ARHGAP22: variants seen among roughly 807,000 people sequenced by gnomAD.
The protein encoded by ARHGAP22 is Rho GTPase activating protein 22, also known as rho GTPase-activating protein 22.
ARHGAP22 carries 48 observed loss-of-function variants against 59.1 expected under a neutral mutation model. The observed-to-expected ratio is 0.81, with a 90% CI of 0.64 to 1.03. ARHGAP22 has a LOEUF of 1.03. Ranked by LOEUF, ARHGAP22 falls within the 50% of genes least tolerant of loss-of-function variation. ARHGAP22 has a pLI of 0.00. For missense variants in ARHGAP22, 1,015 were observed against 958.7 expected (o/e 1.06, Z -0.78); for synonymous variants, 445 against 416.4 (o/e 1.07, Z -0.84).
intron 3 of ARHGAP22, among the ~76,000 whole-genome samples, chr10:48,550,054 G>T (rs2056779990): frequency 6.6e-6 from 1 of 152,222 alleles, no homozygotes; most frequent in Non-Finnish European, 1.5e-5. Flanking sequence ...GAACTAAGGT[G>T]TGAAGGAGAC....
chr10:48,448,503 T>A (rs2045583413), intron 9 of ARHGAP22, among the ~76,000 whole-genome samples: 1 of 152,182 alleles, frequency 6.6e-6, no homozygotes, highest in Admixed American at 6.5e-5. Context: ...AGGTTCTCTT[T>A]TGGGAATGCA....
At chr10:48,441,570 G>A (rs959161848), downstream of ARHGAP22, among the ~76,000 whole-genome samples, 1 of 151,288 alleles carries the variant, frequency 6.6e-6, no homozygotes, top group Non-Finnish European at 1.5e-5. Flanking sequence ...TCCTGCCTCA[G>A]CCTCCCAAGT....
chr10:48,644,538 AC>A (rs1284981772), intron 1 of ARHGAP22, among the ~76,000 whole-genome samples: 1 of 152,212 alleles, frequency 6.6e-6, no homozygotes, highest in Non-Finnish European at 1.5e-5. Flanking sequence ...AGGCCATAAA[AC>A]AAGTCCTGAT....
chr10:48,535,214 A>G (rs2055228521), intron 3 of ARHGAP22, among the ~76,000 whole-genome samples: 1 of 152,218 alleles, frequency 6.6e-6, no homozygotes, highest in Admixed American at 6.5e-5. Flanking sequence ...ACAGATAAGG[A>G]AACCGGGCAC....
At chr10:48,464,595 C>G (rs2047472249) in intron 4 of ARHGAP22, among the ~76,000 whole-genome samples, 1 of 152,198 alleles carries the variant, frequency 6.6e-6, no homozygotes, top group Non-Finnish European at 1.5e-5. Context: ...TGGCAGCACC[C>G]TGCCCTGGCA....
Position 48,652,254 on chromosome 10 carries a change from G to A in ARHGAP22, c.32C>T (p.Thr11Met), listed in dbSNP as rs144047908. ...CTTACTGAAATATCTGGCTGCAAACGTCCTCCTTTTGCTGGAAGCTGTCGG... is the reference window on the plus strand; with the variant it reads ...CTTACTGAAATATCTGGCTGCAAACATCCTCCTTTTGCTGGAAGCTGTCGG... The change falls in exon 1 of 10, where the codon ACG becomes ATG. Residue 11 changes from threonine (T) to methionine (M), a missense_variant. Physicochemically the swap from Thr to Met is moderately conservative, Grantham distance 81. Coordinates refer to the ARHGAP22 transcript ENST00000435790. The A allele has an allele frequency of 7.0e-4, 1,071 of 1,535,568 alleles. 4 individuals are homozygous for A. In the African/African-American group the frequency reaches 0.011, roughly 16 times the overall value.
chr10:48,600,525 A>G (rs974046230), intron 1 of ARHGAP22, among the ~76,000 whole-genome samples: 3 of 150,620 alleles, frequency 2.0e-5, no homozygotes, highest in Non-Finnish European at 4.4e-5. Flanking sequence ...TTTAGAAATA[A>G]ACAATGAAAA....
At chr10:48,471,928 G>T (rs1247393507) in intron 4 of ARHGAP22, among the ~76,000 whole-genome samples, 1 of 152,188 alleles carries the variant, frequency 6.6e-6, no homozygotes, top group Non-Finnish European at 1.5e-5. Flanking sequence ...CAGCAGCTGG[G>T]CCAGGTGCGG....
At chr10:48,582,601 T>C (rs1334838884) in intron 2 of ARHGAP22, 1 of 304,266 alleles carries the variant, frequency 3.3e-6, no homozygotes, top group Non-Finnish European at 6.2e-6. Context: ...TGGTGACCCA[T>C]TTTCCTGCAA....
At chr10:48,574,968 G>C (rs964693088) in intron 2 of ARHGAP22, 1 of 152,200 alleles carries the variant, frequency 6.6e-6, no homozygotes, top group African/African-American at 2.4e-5. Context: ...TGGAGGTGGG[G>C]CCTGGCGGAA....
chr10:48,609,857 A>G (rs1312110305), upstream of ARHGAP22, among the ~76,000 whole-genome samples: 3 of 152,230 alleles, frequency 2.0e-5, no homozygotes, highest in African/African-American at 7.2e-5. Flanking sequence ...TCATCTATAT[A>G]CGAAACCTAT....
intron 2 of ARHGAP22, among the ~76,000 whole-genome samples, chr10:48,557,872 G>T (rs1281530088): frequency 6.6e-6 from 1 of 152,190 alleles, no homozygotes; most frequent in Non-Finnish European, 1.5e-5. Flanking sequence ...GAGGGAGTCT[G>T]CTCTCTGGTC....
intron 3 of ARHGAP22, among the ~76,000 whole-genome samples, chr10:48,486,278 T>C (rs1409599662): frequency 6.6e-6 from 1 of 152,012 alleles, no homozygotes; most frequent in African/African-American, 2.4e-5. Context: ...TACCTTTTAC[T>C]GGTATACTTT....
intron 1 of ARHGAP22, among the ~76,000 whole-genome samples, chr10:48,612,071 T>C (rs1037538128): frequency 6.6e-6 from 1 of 151,738 alleles, no homozygotes; most frequent in Admixed American, 6.6e-5. Flanking sequence ...TCCGCCTGCC[T>C]TGGCCTCCCA....
intron 3 of ARHGAP22, among the ~76,000 whole-genome samples, chr10:48,513,954 A>C (rs1015484788): frequency 2.6e-5 from 4 of 152,220 alleles, no homozygotes; most frequent in Non-Finnish European, 5.9e-5. Context: ...TAAAGAAATA[A>C]AAATTATAAA....
intron 4 of ARHGAP22, chr10:48,466,726 A>C (rs1402791502): frequency 6.7e-6 from 1 of 148,502 alleles, no homozygotes; most frequent in African/African-American, 2.4e-5. Context: ...GCACGCGCGC[A>C]GGTAGCGTCT....
the ARHGAP22 span, chr10:48,435,050 T>TGGGGGG: frequency 3.4e-6 from 1 of 293,708 alleles, no homozygotes; most frequent in Non-Finnish European, 6.7e-6. Flanking sequence ...CATCGGGGGG[T>TGGGGGG]GGGAGGGATG....
intron 3 of ARHGAP22, among the ~76,000 whole-genome samples, chr10:48,519,878 G>A (rs371461526): frequency 9.8e-5 from 15 of 152,330 alleles, no homozygotes; most frequent in African/African-American, 3.4e-4. Flanking sequence ...CTGGGGCCAA[G>A]GTGGGGTTTG....
In ARHGAP22 at chr10:48,551,273, G is replaced by A. The variant is rs551021725; in HGVS notation, c.322+4190C>T. ...ACTTCCTGCAGGTGGCATCTTGCCT[G>A]TCTGCCCTGCACTATGAGAATTCTA... is the stretch of plus-strand genomic sequence containing the variant. On this transcript the variant is annotated intron_variant, in intron 3 of 9. Transcript: ENST00000249601. 2.0e-5 allele frequency among the ~76,000 whole-genome samples: 3 copies of A among 152,328 alleles called. No homozygotes were observed. The South Asian group carries it at 6.2e-4, about 32-fold the overall frequency.
Sources: gnomAD v4.1 joint callset for allele counts (sites outside exome capture counted in the v4.1 genomes callset) on GRCh38, gnomAD v4.1.1 for gene constraint, MANE v1.5 for transcripts, NCBI Gene and HGNC (gene_info 2026-07-23, HGNC 2026-07-21) for gene names.